SLC5A4: variants seen among roughly 807,000 people sequenced by gnomAD.
SLC5A4 encodes the protein solute carrier family 5 member 4.
In SLC5A4, 55 loss-of-function variants were observed where a neutral mutation model predicts 70.3. The observed-to-expected ratio is 0.78, with a 90% CI of 0.63 to 0.98. The LOEUF (loss-of-function observed/expected upper bound fraction) is 0.98, where lower values mean the gene tolerates loss of function less well. SLC5A4 is among the 50% of genes least tolerant of loss of function. The pLI, the probability that SLC5A4 is intolerant of heterozygous loss-of-function variation, is 0.00. For synonymous variants in SLC5A4, 268 were observed against 305.7 expected, an observed-to-expected ratio of 0.88 and a Z score of 1.29; for missense variants, 735 against 839.2, an observed-to-expected ratio of 0.88 and a Z score of 1.53.
chr22:32,272,312 C>T, the SLC5A4 span: 194 of 822,172 alleles, frequency 2.4e-4, no homozygotes, highest in Non-Finnish European at 2.6e-4. Context: ...AGAAGGGGCC[C>T]GTGACTGCCC....
the SLC5A4 span, among the ~76,000 whole-genome samples, chr22:32,348,798 CTGTTT>C: frequency 6.6e-6 from 1 of 152,070 alleles, no homozygotes; most frequent in South Asian, 2.1e-4. Context: ...TCAGTGCCTT[CTGTTT>C]TAATATTTAA....
chr22:32,328,966 TGC>T, the SLC5A4 span, among the ~76,000 whole-genome samples: 1 of 152,256 alleles, frequency 6.6e-6, no homozygotes, highest in East Asian at 1.9e-4. Flanking sequence ...GGAGCCAGGC[TGC>T]CTGGGAAGGT....
chr22:32,238,776 C>T (rs888404451), intron 6 of SLC5A4, among the ~76,000 whole-genome samples: 1 of 152,190 alleles, frequency 6.6e-6, no homozygotes, highest in Non-Finnish European at 1.5e-5. Context: ...CACATAATTC[C>T]CTTCCATCAA....
chr22:32,318,005 T>A, the SLC5A4 span, among the ~76,000 whole-genome samples: 31 of 152,232 alleles, frequency 2.0e-4, no homozygotes, highest in East Asian at 5.6e-3. Flanking sequence ...AACCCAGTAG[T>A]CAATTCTCAG....
At chr22:32,302,294 T>A in the SLC5A4 span, among the ~76,000 whole-genome samples, 1 of 117,914 alleles carries the variant, frequency 8.5e-6, no homozygotes, top group Non-Finnish European at 1.9e-5. Flanking sequence ...GCTGGGTATG[T>A]GGTTTGAAAT....
At chr22:32,263,031 G>A in the SLC5A4 span, among the ~76,000 whole-genome samples, 2 of 151,604 alleles carry the variant, frequency 1.3e-5, no homozygotes, top group East Asian at 3.9e-4. Flanking sequence ...ACCTCCCAAA[G>A]TGCTGGGATT....
At chr22:32,337,591 A>C in the SLC5A4 span, among the ~76,000 whole-genome samples, 2 of 152,262 alleles carry the variant, frequency 1.3e-5, no homozygotes, top group African/African-American at 2.4e-5. Flanking sequence ...TAGTGTTCAC[A>C]GACCACTGGA....
At chr22:32,286,015 C>T in the SLC5A4 span, among the ~76,000 whole-genome samples, 1 of 152,140 alleles carries the variant, frequency 6.6e-6, no homozygotes, top group Non-Finnish European at 1.5e-5. Context: ...TGATTACAGG[C>T]GTGAGCCACC....
the SLC5A4 span, chr22:32,269,495 G>A: frequency 2.6e-5 from 15 of 569,182 alleles, no homozygotes; most frequent in Admixed American, 1.4e-4. This position sits in a 1 kb window ranked among gnomAD's most constrained non-coding sequence, Gnocchi z 4.1. Context: ...GACCTGGCCC[G>A]GGCACGTGGC....
At chr22:32,323,680 T>C in the SLC5A4 span, among the ~76,000 whole-genome samples, 1 of 152,218 alleles carries the variant, frequency 6.6e-6, no homozygotes, top group Non-Finnish European at 1.5e-5. Flanking sequence ...GTCCAGGTGA[T>C]GGTCGAGGCC....
the SLC5A4 span, among the ~76,000 whole-genome samples, chr22:32,261,618 T>C: frequency 0.019 from 2,935 of 152,326 alleles, 105 homozygotes; most frequent in African/African-American, 0.067. Flanking sequence ...CAGCACAGGA[T>C]GATCGCCCAG....
the SLC5A4 span, among the ~76,000 whole-genome samples, chr22:32,341,993 T>C: frequency 3.6e-4 from 55 of 152,350 alleles, no homozygotes; most frequent in Admixed American, 1.6e-3. Flanking sequence ...TACAAAAGCA[T>C]TTTATTTTCT....
Position 32,239,689 on chromosome 22 carries a change from C to A in SLC5A4, c.478-599G>T, listed in dbSNP as rs143528894. 8.7e-3 allele frequency among the ~76,000 whole-genome samples: 1,215 copies of A among 139,344 alleles called. 19 individuals are homozygous for A. The highest frequency in any genetic ancestry group is 0.03 in the African/African-American group (1,163 of 38,190). The allele number at this position is 139,344 out of a possible 152,430, so 91.4% of individuals were successfully genotyped here. ...ACTATAAAATTTATTAAGGGCAAAA[C>A]CACAATTACTTTTGCACCAACCTAA... On this transcript the variant is annotated intron_variant, in intron 5 of 14. Coordinates refer to ENST00000266086, the MANE Select transcript of SLC5A4 (RefSeq NM_014227.3).
the SLC5A4 span, among the ~76,000 whole-genome samples, chr22:32,263,623 T>C: frequency 1.3e-5 from 2 of 152,180 alleles, no homozygotes; most frequent in African/African-American, 4.8e-5. Context: ...AGTTCAGTCA[T>C]TGTGGAAGAC....
chr22:32,218,953 C>T (rs538461277), intron 14 of SLC5A4, among the ~76,000 whole-genome samples: 20 of 152,136 alleles, frequency 1.3e-4, no homozygotes, highest in Non-Finnish European at 2.5e-4. Context: ...ATGGGGGAAA[C>T]GTTCGCATAT....
At chr22:32,334,985 G>A in the SLC5A4 span, among the ~76,000 whole-genome samples, 1 of 152,226 alleles carries the variant, frequency 6.6e-6, no homozygotes, top group Non-Finnish European at 1.5e-5. Flanking sequence ...GCTCAGAGAA[G>A]GGACGCTCCG....
chr22:32,271,204 T>A, the SLC5A4 span: 14 of 755,190 alleles, frequency 1.9e-5, no homozygotes, highest in South Asian at 5.9e-5. Flanking sequence ...GCTCCCCGAC[T>A]GGCGGCTGGT....
At chr22:32,264,882 T>A in the SLC5A4 span, among the ~76,000 whole-genome samples, 20 of 152,358 alleles carry the variant, frequency 1.3e-4, 1 homozygote, top group South Asian at 4.1e-3. Context: ...TATAGTCTGT[T>A]GAAAGAATAT....
the SLC5A4 span, among the ~76,000 whole-genome samples, chr22:32,280,295 G>T: frequency 6.6e-6 from 1 of 152,232 alleles, no homozygotes; most frequent in African/African-American, 2.4e-5. Context: ...GGGATTACAG[G>T]CGTGAGCCAC....
Sources: gnomAD v4.1 joint callset for allele counts (sites outside exome capture counted in the v4.1 genomes callset) on GRCh38, gnomAD v4.1.1 for gene constraint, Gnocchi (gnomAD v3.1) non-coding constraint, MANE v1.5 for transcripts, NCBI Gene and HGNC (gene_info 2026-07-23, HGNC 2026-07-21) for gene names.